The following DENND1B variants were observed in gnomAD, a reference collection of about 807,000 sequenced individuals.
DENND1B encodes the protein DENN domain containing 1B.
A neutral mutation model predicts 90.1 loss-of-function variants in DENND1B; 59 were observed. The ratio of observed to expected loss-of-function variants is 0.65; its 90% confidence interval spans 0.53 to 0.81. The LOEUF (loss-of-function observed/expected upper bound fraction) is 0.81, where lower values mean the gene tolerates loss of function less well. DENND1B is among the 40% of genes least tolerant of loss of function. DENND1B has a pLI of 0.00. For synonymous variants in DENND1B, 337 were observed against 324.6 expected, an observed-to-expected ratio of 1.04 and a Z score of -0.41; for missense variants, 862 against 912.6, an observed-to-expected ratio of 0.94 and a Z score of 0.71.
At chr1:197,576,464 A>G (rs1673696984) in intron 15 of DENND1B, among the ~76,000 whole-genome samples, 1 of 152,304 alleles carries the variant, frequency 6.6e-6, no homozygotes, top group African/African-American at 2.4e-5. Context: ...GTGACCAAGA[A>G]CACAAAGCCA....
intron 3 of DENND1B, among the ~76,000 whole-genome samples, chr1:197,700,294 G>C (rs1427751411): frequency 6.6e-6 from 1 of 152,050 alleles, no homozygotes; most frequent in Non-Finnish European, 1.5e-5. Context: ...GAACAGAAAA[G>C]AGACCTCAGA....
chr1:197,589,250 T>G (rs1417508425), intron 14 of DENND1B, among the ~76,000 whole-genome samples: 1 of 152,112 alleles, frequency 6.6e-6, no homozygotes, highest in Non-Finnish European at 1.5e-5. Flanking sequence ...AGTCCCTAGT[T>G]CTAACTATTC....
At chr1:197,652,473 A>G (rs1653339636) in intron 6 of DENND1B, among the ~76,000 whole-genome samples, 158 bp from the exon 7 acceptor site, 1 of 152,184 alleles carries the variant, frequency 6.6e-6, no homozygotes, top group Admixed American at 6.5e-5. Flanking sequence ...AAATTCAAAT[A>G]TTTGAGTCTA....
chr1:197,627,675 C>T (rs1409389243), intron 10 of DENND1B, among the ~76,000 whole-genome samples: 1 of 151,906 alleles, frequency 6.6e-6, no homozygotes, highest in Non-Finnish European at 1.5e-5. Flanking sequence ...GAAGTTCTGG[C>T]CAGGGCAATT....
At chr1:197,634,776 C>T (rs186384781) in intron 10 of DENND1B, among the ~76,000 whole-genome samples, 3 of 152,244 alleles carry the variant, frequency 2.0e-5, no homozygotes, top group Admixed American at 6.5e-5. Context: ...GTTGCTTGAG[C>T]CCAGGAGTTC....
rs115532105 is a variant in DENND1B at position 197,539,533 on chromosome 1, A to G, written c.1515+431T>C. Among the ~76,000 whole-genome samples, 918 of 152,314 alleles carry G rather than the reference A, an allele frequency of 6.0e-3. 14 individuals carry two copies. Among genetic ancestry groups the G allele is most frequent in the African/African-American group, 0.021 (860 of 41,574 alleles). ...AAGCTTTAACTATTTATAGCAAATA[A>G]AATAATCTAACTTTAGAATAGGATA... On this transcript the variant is annotated intron_variant, in intron 20 of 22. Coordinates refer to ENST00000620048, the MANE Select transcript of DENND1B (RefSeq NM_001195215.2).
At chr1:197,535,607 T>C (rs1168832246) in intron 20 of DENND1B, among the ~76,000 whole-genome samples, 3 of 152,184 alleles carry the variant, frequency 2.0e-5, no homozygotes, top group South Asian at 2.1e-4. Context: ...AAATTAAACA[T>C]TGAAAAGCAA....
At chr1:197,550,304 A>C (rs939704804) in intron 16 of DENND1B, among the ~76,000 whole-genome samples, 9 of 152,102 alleles carry the variant, frequency 5.9e-5, no homozygotes, top group African/African-American at 2.2e-4. Flanking sequence ...ACTATAAAAA[A>C]CAGTATATCT....
intron 2 of DENND1B, among the ~76,000 whole-genome samples, chr1:197,731,793 T>G (rs1233233019): frequency 6.6e-6 from 1 of 152,216 alleles, no homozygotes; most frequent in African/African-American, 2.4e-5. Flanking sequence ...ACATGCAGCC[T>G]GCAGGCCATA....
intron 2 of DENND1B, among the ~76,000 whole-genome samples, chr1:197,739,374 A>AT (rs2102357155): frequency 1.3e-5 from 2 of 152,348 alleles, no homozygotes; most frequent in African/African-American, 4.8e-5. Context: ...ATACGAGAAG[A>AT]AATCATATAA....
rs139873840 is a variant in DENND1B at position 197,550,326 on chromosome 1, T to C, written c.1240+2696A>G. Among the ~76,000 whole-genome samples, 899 of 152,204 alleles carry C rather than the reference T, an allele frequency of 5.9e-3. 13 individuals carry two copies. Among genetic ancestry groups the C allele is most frequent in the African/African-American group, 0.02 (841 of 41,552 alleles). ...AAAACAGTATATCTTTGAAGCCACA[T>C]AGACACATGTGGAATTGAGACTCTG... On this transcript the variant is annotated intron_variant, in intron 16 of 22. Transcript: ENST00000620048.
chr1:197,735,551 G>T (rs1321034253), intron 2 of DENND1B: 6 of 1,613,646 alleles, frequency 3.7e-6, no homozygotes, highest in Non-Finnish European at 5.1e-6. Flanking sequence ...TTTACAAAGT[G>T]TTCTTAGACT....
chr1:197,643,806 A>G (rs551536165), intron 9 of DENND1B, among the ~76,000 whole-genome samples: 1 of 152,214 alleles, frequency 6.6e-6, no homozygotes, highest in South Asian at 2.1e-4. Context: ...TACTACATTA[A>G]CTTTGACTTT....
At chr1:197,611,138 TA>T (rs1346622591) in intron 12 of DENND1B, among the ~76,000 whole-genome samples, 1 of 150,838 alleles carries the variant, frequency 6.6e-6, no homozygotes, top group Admixed American at 6.6e-5. Context: ...GAAACTGGGT[TA>T]AAGTACAATC....
At chr1:197,770,473 T>A (rs1034724131) in intron 2 of DENND1B, among the ~76,000 whole-genome samples, 6 of 151,646 alleles carry the variant, frequency 4.0e-5, no homozygotes, top group African/African-American at 1.5e-4. Context: ...AAGACCACAA[T>A]CTCTCTGACA....
chr1:197,520,428 C>T (rs901565697), intron 20 of DENND1B, among the ~76,000 whole-genome samples: 1 of 151,782 alleles, frequency 6.6e-6, no homozygotes. Flanking sequence ...CATTAAATGA[C>T]CATTAATACT....
chr1:197,514,071 C>T (rs909320203), intron 20 of DENND1B, among the ~76,000 whole-genome samples: 4 of 151,626 alleles, frequency 2.6e-5, no homozygotes, highest in Non-Finnish European at 5.9e-5. Context: ...ATTCGTCAAG[C>T]GATCCATTAT....
At chr1:197,579,580 T>C (rs1467660266) in intron 15 of DENND1B, among the ~76,000 whole-genome samples, 1 of 152,220 alleles carries the variant, frequency 6.6e-6, no homozygotes, top group Non-Finnish European at 1.5e-5. Flanking sequence ...TTTTCATTGG[T>C]TCTGGCACTA....
intron 13 of DENND1B, 117 bp from the exon 14 acceptor site, chr1:197,595,450 C>T: frequency 7.9e-7 from 1 of 1,258,448 alleles, no homozygotes; most frequent in South Asian, 1.5e-5. Context: ...TCATCCTCCT[C>T]CCTGATAGCT....
Sources: allele counts gnomAD v4.1 joint callset (sites outside exome capture counted in the v4.1 genomes callset), GRCh38; gene constraint gnomAD v4.1.1; transcripts MANE v1.5; gene names NCBI Gene and HGNC (gene_info 2026-07-23, HGNC 2026-07-21).